The following ZNF185 variants were observed in gnomAD, a reference collection of about 807,000 sequenced individuals.
ZNF185 encodes the protein zinc finger protein 185.
Under a neutral mutation model 58.6 loss-of-function variants are expected in ZNF185, and 56 were observed. The observed-to-expected ratio is 0.95, with a 90% CI of 0.77 to 1.19. The LOEUF (loss-of-function observed/expected upper bound fraction) is 1.19. Among genes scored for constraint, ZNF185 ranks in the 50% most tolerant of loss-of-function variants. The pLI, the probability that ZNF185 is intolerant of heterozygous loss-of-function variation, is 0.00. For missense variants in ZNF185, 627 were observed against 573.5 expected (o/e 1.09, Z -0.95); for synonymous variants, 230 against 215.9 (o/e 1.07, Z -0.57).
intron 11 of ZNF185, among the ~76,000 whole-genome samples, chrX:152,924,297 T>G (rs1940401324): frequency 9.1e-6 from 1 of 109,964 alleles, no homozygotes; most frequent in South Asian, 3.9e-4. Context: ...TTTTTTTAAA[T>G]TTTTGTAGAG....
chrX:152,959,940 G>GT, intron 17 of ZNF185, 44 bp downstream of exon 19: 1 of 1,160,795 alleles, frequency 8.6e-7, no homozygotes, highest in African/African-American at 1.8e-5. Flanking sequence ...TAGAGCCAGT[G>GT]TTTTTGTCCA....
At chrX:152,943,769 G>A (rs1556892185) in intron 15 of ZNF185, among the ~76,000 whole-genome samples, 1 of 112,969 alleles carries the variant, frequency 8.9e-6, no homozygotes, top group Non-Finnish European at 1.9e-5. Context: ...ACCTCTACTA[G>A]TGTATTTCTA....
At chrX:152,943,855 C>T (rs782643266) in intron 15 of ZNF185, among the ~76,000 whole-genome samples, 4 of 113,167 alleles carry the variant, frequency 3.5e-5, no homozygotes, top group Non-Finnish European at 5.6e-5. Flanking sequence ...AGTAGGGAGA[C>T]AAGCTCTTCA....
In ZNF185 at chrX:152,914,846, G is replaced by A; in HGVS notation, c.158+13G>A. ...AGGGTCGCACCATGTAAGGCAAGGA[G>A]GCGGGGAGGGACCGCAGCAACGTGG... On this transcript the variant is annotated intron_variant, in intron 2 of 22. Coordinates refer to ENST00000449285, the Ensembl canonical transcript of ZNF185. The A allele has an allele frequency of 8.5e-7, 1 of 1,177,611 alleles. No homozygotes were observed. Among genetic ancestry groups the A allele is most frequent in the Non-Finnish European group, 1.1e-6 (1 of 878,491 alleles).
intron 15 of ZNF185, 99 bp downstream of exon 17, chrX:152,938,262 G>A: frequency 2.3e-6 from 2 of 851,946 alleles, no homozygotes; most frequent in Non-Finnish European, 3.3e-6. Context: ...GGCCAGCAAG[G>A]TTTGTGAGCT....
At chrX:152,911,977 T>A (rs1937477901), upstream of ZNF185, among the ~76,000 whole-genome samples, 2 of 93,004 alleles carry the variant, frequency 2.2e-5, no homozygotes, top group African/African-American at 8.1e-5. Flanking sequence ...TCCCATCTGA[T>A]CCGTCTATCC....
intron 15 of ZNF185, among the ~76,000 whole-genome samples, chrX:152,944,973 G>A (rs781866342): frequency 2.7e-5 from 3 of 112,753 alleles, no homozygotes; most frequent in Non-Finnish European, 5.6e-5. Flanking sequence ...CAGCCTGGGC[G>A]ACAGAGTGAG....
At chrX:152,917,823 C>G in intron 5 of ZNF185, 1 of 1,066,443 alleles carries the variant, frequency 9.4e-7, no homozygotes, top group South Asian at 2.5e-5. Context: ...CAAGGGGACC[C>G]GGAAACAGGA....
intron 3 of ZNF185, among the ~76,000 whole-genome samples, chrX:152,916,276 C>T (rs1487193020): frequency 3.6e-5 from 4 of 111,365 alleles, no homozygotes; most frequent in African/African-American, 1.3e-4. Flanking sequence ...ACATCCCCTC[C>T]ACTGCAGGAC....
intron 11 of ZNF185, among the ~76,000 whole-genome samples, chrX:152,924,311 G>A (rs1433333617): frequency 9.1e-6 from 1 of 110,105 alleles, no homozygotes; most frequent in Non-Finnish European, 1.9e-5. Context: ...TGTAGAGACA[G>A]GGTTTCACCA....
chrX:152,931,912 C>G, intron 13 of ZNF185, 136 bp downstream of exon 14: 1 of 186,108 alleles, frequency 5.4e-6, no homozygotes, highest in Non-Finnish European at 8.6e-6. Context: ...TCCCACTGTT[C>G]CCCCAGTACC....
chrX:152,950,503 T>G (rs1443627655), intron 16 of ZNF185, among the ~76,000 whole-genome samples: 2 of 112,127 alleles, frequency 1.8e-5, no homozygotes, highest in Admixed American at 1.9e-4. Context: ...CTAGGAATTC[T>G]ATGGAATTTC....
chrX:152,942,250 A>G (rs1009940007), intron 15 of ZNF185, among the ~76,000 whole-genome samples: 1 of 111,924 alleles, frequency 8.9e-6, no homozygotes, highest in Non-Finnish European at 1.9e-5. Flanking sequence ...ACTCCGCCCT[A>G]TTCCATCTTG....
intron 15 of ZNF185, among the ~76,000 whole-genome samples, chrX:152,941,248 G>A (rs782432550): frequency 8.9e-6 from 1 of 111,805 alleles, no homozygotes; most frequent in East Asian, 2.8e-4. Context: ...ATCTCCCAAA[G>A]CTTCCAGCCT....
intron 12 of ZNF185, 109 bp from the exon 14 acceptor site, chrX:152,931,563 G>C (rs782526755): frequency 2.1e-5 from 13 of 626,329 alleles, no homozygotes; most frequent in Non-Finnish European, 3.1e-5. Flanking sequence ...CGGCCCAGTA[G>C]CAGGTTTTAA....
At chrX:152,901,910 C>T in the ZNF185 span, among the ~76,000 whole-genome samples, 1 of 111,742 alleles carries the variant, frequency 8.9e-6, no homozygotes. Flanking sequence ...GCAGCTTAAG[C>T]GTGTCTCCCA....
intron 3 of ZNF185, among the ~76,000 whole-genome samples, chrX:152,916,022 A>T (rs1431160617): frequency 3.6e-5 from 4 of 111,938 alleles, no homozygotes; most frequent in Non-Finnish European, 7.5e-5. Context: ...GCCAGGTCCC[A>T]TGCTGGGCAC....
chrX:152,959,580 C>T (rs2049256697), intron 16 of ZNF185, 119 bp from the exon 19 acceptor site: 5 of 818,018 alleles, frequency 6.1e-6, no homozygotes, highest in Non-Finnish European at 8.5e-6. Context: ...CTGTCTGCCC[C>T]ACTCTTGGGG....
intron 15 of ZNF185, among the ~76,000 whole-genome samples, chrX:152,939,540 C>T (rs10126824): frequency 0.067 from 7,531 of 111,651 alleles, 248 homozygotes; most frequent in Middle Eastern, 0.12. Flanking sequence ...TCTCAAGACC[C>T]AGAATCAGTA....
Sources: gnomAD v4.1 joint callset for allele counts (sites outside exome capture counted in the v4.1 genomes callset) on GRCh38, gnomAD v4.1.1 for gene constraint, MANE v1.5 for transcripts, NCBI Gene and HGNC (gene_info 2026-07-23, HGNC 2026-07-21) for gene names.